Variants in UBR1 observed in about 807,000 individuals in gnomAD.
UBR1 encodes ubiquitin protein ligase E3 component n-recognin 1, also known as E3 ubiquitin-protein ligase UBR1.
Under a neutral mutation model 242.1 loss-of-function variants are expected in UBR1, and 102 were observed. The ratio of observed to expected loss-of-function variants is 0.42; its 90% CI spans 0.36 to 0.50. UBR1 has a LOEUF of 0.50. Ranked by LOEUF, UBR1 falls within the 20% of genes least tolerant of loss-of-function variation. The pLI, the probability that UBR1 is intolerant of heterozygous loss-of-function variation, is 0.01. For missense variants in UBR1, 1,772 were observed against 2,101.8 expected (o/e 0.84, Z 3.07); for synonymous variants, 675 against 684.8 (o/e 0.99, Z 0.22).
At chr15:43,055,254 G>A (rs1374452159) in intron 11 of UBR1, among the ~76,000 whole-genome samples, 1 of 152,050 alleles carries the variant, frequency 6.6e-6, no homozygotes, top group East Asian at 1.9e-4. Context: ...AGACTATCCT[G>A]GTCAACATGG....
At chr15:43,028,047 G>C (rs577229719) in intron 21 of UBR1, among the ~76,000 whole-genome samples, 131 of 152,236 alleles carry the variant, frequency 8.6e-4, no homozygotes, top group African/African-American at 3.0e-3. Flanking sequence ...GTTTAAGAAA[G>C]GTTATCTAAG....
chr15:42,998,756 T>C (rs981407880), intron 32 of UBR1, among the ~76,000 whole-genome samples: 2 of 152,208 alleles, frequency 1.3e-5, no homozygotes, highest in African/African-American at 4.8e-5. Context: ...TTGTGTTTCA[T>C]TTAAGTATGA....
intron 38 of UBR1, 55 bp from the exon 39 acceptor site, chr15:42,976,922 T>C: frequency 6.3e-7 from 1 of 1,575,846 alleles, no homozygotes; most frequent in South Asian, 1.1e-5. Context: ...TAACATAAAT[T>C]AATGTCATAA....
chr15:42,993,647 C>T (rs2032590280), intron 33 of UBR1, among the ~76,000 whole-genome samples: 2 of 152,012 alleles, frequency 1.3e-5, no homozygotes, highest in South Asian at 2.1e-4. Context: ...CGATTACAAG[C>T]GTGAGCCACT....
At chr15:43,022,880 C>G in intron 25 of UBR1, 79 bp from the exon 26 acceptor site, 1 of 891,252 alleles carries the variant, frequency 1.1e-6, no homozygotes, top group Non-Finnish European at 1.7e-6. Flanking sequence ...TAATTTTTTT[C>G]AGAGACTGGT....
At chr15:43,004,390 T>G (rs1006584367) in intron 30 of UBR1, among the ~76,000 whole-genome samples, 2 of 152,006 alleles carry the variant, frequency 1.3e-5, no homozygotes, top group Non-Finnish European at 2.9e-5. Flanking sequence ...TCCCTCTCCC[T>G]GTCCCCGGTC....
At chr15:43,076,425 C>T (rs2033894610) in intron 3 of UBR1, among the ~76,000 whole-genome samples, 1 of 151,964 alleles carries the variant, frequency 6.6e-6, no homozygotes. Flanking sequence ...TGAGGAGCGT[C>T]TCTGCCCGGC....
At chr15:42,995,716 C>T (rs900093895) in intron 33 of UBR1, among the ~76,000 whole-genome samples, 9 of 152,180 alleles carry the variant, frequency 5.9e-5, no homozygotes, top group African/African-American at 2.2e-4. Context: ...TAGTTAAGTA[C>T]ATGCCAAAAA....
intron 3 of UBR1, among the ~76,000 whole-genome samples, chr15:43,076,826 C>A: frequency 8.7e-6 from 1 of 115,274 alleles, no homozygotes; most frequent in African/African-American, 3.1e-5. Context: ...AGGTGAGGGG[C>A]GCCTCTGCCC....
chr15:43,002,467 C>T (rs1596094394), intron 32 of UBR1, 88 bp downstream of exon 32: 1 of 1,442,634 alleles, frequency 6.9e-7, no homozygotes, highest in East Asian at 2.4e-5. Flanking sequence ...GCAATCCGCC[C>T]ATCTCAGTCT....
At chr15:43,018,108 T>C (rs1156763945) in intron 27 of UBR1, among the ~76,000 whole-genome samples, 1 of 151,512 alleles carries the variant, frequency 6.6e-6, no homozygotes, top group East Asian at 2.0e-4. Context: ...GTACATGCCA[T>C]TCTCCTGCCT....
At position 43,089,258 on chromosome 15, in the gene UBR1, C is replaced by T. The variant is rs558948104; in HGVS notation, c.82-3018G>A. Among the ~76,000 whole-genome samples the T allele has an allele frequency of 5.9e-5, 9 of 151,972 alleles. No homozygotes were observed. The East Asian group carries it at 1.6e-3, about 26-fold the overall frequency. On this transcript the variant is annotated intron_variant, in intron 1 of 46. Transcript: ENST00000290650. ...CTGTAATCCCAGCACTTTGGGAGGC[C>T]GAGAAGGGCGGATTACGAGGTCAGG...
intron 5 of UBR1, among the ~76,000 whole-genome samples, chr15:43,070,227 C>T (rs2033807438): frequency 7.8e-6 from 1 of 128,718 alleles, no homozygotes; most frequent in South Asian, 2.5e-4. Flanking sequence ...TTATGGCTAC[C>T]AGAAATTGCT....
Position 42,998,252 on chromosome 15 carries a change from C to A in UBR1, c.3673G>T (p.Ala1225Ser), listed in dbSNP as rs117347582. Reference protein sequence around the residue: ...PQKINSENADALAQLLTLARW... With the variant: ...PQKINSENADSLAQLLTLARW... ...GCCAGGGTCAAAAGTTGAGCAAGAGCATCTGCATTCTCACTGAAAAATGAT... is the reference window on the plus strand; with the variant it reads ...GCCAGGGTCAAAAGTTGAGCAAGAGAATCTGCATTCTCACTGAAAAATGAT... The change falls in exon 33 of 47, where the codon GCT becomes TCT. Residue 1225 changes from alanine to serine, a missense_variant. Coordinates refer to ENST00000290650, the MANE Select transcript of UBR1 (RefSeq NM_174916.3). 3,292 of 1,613,748 alleles carry A rather than the reference C, an allele frequency of 2.0e-3. 4 individuals carry two copies. Among genetic ancestry groups the A allele is most frequent in the Admixed American group, 2.4e-3 (146 of 60,010 alleles).
Position 43,048,444 on chromosome 15 carries a change from A to G in UBR1, c.1487T>C (p.Met496Thr), listed in dbSNP as rs2033512610. The change falls in exon 13 of 47, where the codon ATG (methionine) becomes ACG (threonine). Residue 496 changes from methionine to threonine, a missense_variant. Met to Thr is a moderately conservative substitution (Grantham distance 81). This residue lies in a region of UBR1 where 734 missense variants were observed against 893.3 expected (regional missense o/e 0.82). Transcript: ENST00000290650. Reference protein sequence around the residue: ...KPTIWTERLRMQFLEGFRSFL... With the variant: ...KPTIWTERLRTQFLEGFRSFL... ...AGATCGAAAACCTTCAAGGAACTGC[A>G]TTCTTAATCTTTCTGTCCATATTGT... 6.2e-7 allele frequency: 1 copy of G among 1,613,834 alleles called. No homozygotes were observed. Among genetic ancestry groups the G allele is most frequent in the Non-Finnish European group, 8.5e-7 (1 of 1,179,914 alleles).
chr15:43,052,841 T>C (rs1156693216), intron 12 of UBR1, among the ~76,000 whole-genome samples: 4 of 152,178 alleles, frequency 2.6e-5, no homozygotes, highest in Non-Finnish European at 5.9e-5. Context: ...TTATGTATCC[T>C]GTGAGGCTAC....
chr15:43,022,237 A>G (rs999736985), intron 26 of UBR1, among the ~76,000 whole-genome samples: 1 of 152,138 alleles, frequency 6.6e-6, no homozygotes, highest in Admixed American at 6.6e-5. Context: ...TTTATTAGAA[A>G]TCTAATTTAA....
chr15:42,998,905 A>G (rs2141282751), intron 32 of UBR1, among the ~76,000 whole-genome samples: 3 of 147,726 alleles, frequency 2.0e-5, no homozygotes, highest in Middle Eastern at 7.2e-3. Flanking sequence ...TGACTCAAAC[A>G]TGATCATGGG....
intron 29 of UBR1, among the ~76,000 whole-genome samples, chr15:43,015,127 C>G (rs1225134669): frequency 2.0e-5 from 3 of 152,228 alleles, no homozygotes; most frequent in Non-Finnish European, 2.9e-5. Context: ...CGGCCACCAC[C>G]CCGTCTGGGA....
Sources: allele counts gnomAD v4.1 joint callset (sites outside exome capture counted in the v4.1 genomes callset), GRCh38; gene constraint gnomAD v4.1.1; regional missense constraint gnomAD v4.1.1; transcripts MANE v1.5; gene names NCBI Gene and HGNC (gene_info 2026-07-23, HGNC 2026-07-21).